AAR2: variants seen among roughly 807,000 people sequenced by gnomAD.
AAR2 encodes the protein AAR2 splicing factor.
A neutral mutation model predicts 26.9 loss-of-function variants in AAR2; 31 were observed. That is an observed-to-expected ratio of 1.15 (90% CI 0.86 to 1.55). The LOEUF (loss-of-function observed/expected upper bound fraction) is 1.55. Among genes scored for constraint, AAR2 ranks in the 40% most tolerant of loss-of-function variants. AAR2 has a pLI of 0.00. For missense variants in AAR2, 430 were observed against 491.3 expected, an observed-to-expected ratio of 0.88 and a Z score of 1.18; for synonymous variants, 188 against 196.1, an observed-to-expected ratio of 0.96 and a Z score of 0.34.
chr20:36,240,838 A>G (rs2064673761), intron 2 of AAR2, among the ~76,000 whole-genome samples: 1 of 152,190 alleles, frequency 6.6e-6, no homozygotes, highest in Admixed American at 6.5e-5. Context: ...CTAATAAACA[A>G]ACATCCTAGG....
At chr20:36,252,041 T>C (rs1297603297) in intron 3 of AAR2, among the ~76,000 whole-genome samples, 1 of 152,074 alleles carries the variant, frequency 6.6e-6, no homozygotes, top group Non-Finnish European at 1.5e-5. Flanking sequence ...TTTTAGAGGG[T>C]GCAAATCACT....
At chr20:36,252,528 C>G (rs569286837) in intron 3 of AAR2, among the ~76,000 whole-genome samples, 1 of 152,172 alleles carries the variant, frequency 6.6e-6, no homozygotes, top group Admixed American at 6.5e-5. Flanking sequence ...AAGAGATCCT[C>G]AAGGAGGTGA....
intron 3 of AAR2, among the ~76,000 whole-genome samples, chr20:36,245,568 A>G (rs2064726381): frequency 6.6e-6 from 1 of 152,204 alleles, no homozygotes; most frequent in Non-Finnish European, 1.5e-5. Flanking sequence ...TCTCAAGAAT[A>G]GAAGAGGCAG....
chr20:36,239,992 G>C lies in AAR2; in HGVS notation c.124G>C (p.Gly42Arg). Residue 42 changes from glycine to arginine, a missense_variant, in exon 2 of 4, where the codon GGG becomes CGG. Gly to Arg is a moderately radical substitution (Grantham distance 125, BLOSUM62 -2). Coordinates refer to ENST00000320849, the MANE Select transcript of AAR2 (RefSeq NM_001271874.2). ...GATTGACTATAACTCCTGGGAGGTCGGGCCCAAGTTCCGGGGCGTGAAGAT... is the reference window on the plus strand; with the variant it reads ...GATTGACTATAACTCCTGGGAGGTCCGGCCCAAGTTCCGGGGCGTGAAGAT... ...FGIDYNSWEV[G>R]PKFRGVKMIP... 2.5e-6 allele frequency: 4 copies of C among 1,614,156 alleles called. No homozygotes were observed. Among genetic ancestry groups the C allele is most frequent in the Non-Finnish European group, 3.4e-6 (4 of 1,180,020 alleles).
intron 3 of AAR2, among the ~76,000 whole-genome samples, chr20:36,255,104 G>A (rs1164353958): frequency 2.0e-5 from 3 of 152,146 alleles, no homozygotes; most frequent in African/African-American, 7.2e-5. Flanking sequence ...AAAAATCAAA[G>A]ACAGCTTTTA....
At chr20:36,250,656 C>T (rs1859762032) in intron 3 of AAR2, among the ~76,000 whole-genome samples, 1 of 152,044 alleles carries the variant, frequency 6.6e-6, no homozygotes, top group Non-Finnish European at 1.5e-5. Context: ...TAAGGGGCCG[C>T]ACAAGGGAGC....
chr20:36,256,904 A>G lies in AAR2; in HGVS notation c.*1159A>G, dbSNP rs2064826556. On this transcript the variant is annotated 3_prime_UTR_variant, in exon 4 of 4. Transcript: ENST00000320849. Reference sequence around the variant, plus strand: ...TTGGAGATGTTTTTCCAAGAGCATAATGTACATTAAAGTCTTCGAGTTGAG... The same window carrying G: ...TTGGAGATGTTTTTCCAAGAGCATAGTGTACATTAAAGTCTTCGAGTTGAG... The G allele has an allele frequency of 6.6e-6, 1 of 152,662 alleles. No individual in the cohort carries two copies. Among genetic ancestry groups the G allele is most frequent in the Non-Finnish European group, 1.5e-5 (1 of 68,044 alleles). The allele number at this position is 152,662 out of a possible 1,614,324, so 9.5% of individuals were successfully genotyped here.
Position 36,256,381 on chromosome 20 carries a change from C to A in AAR2, c.*636C>A. 1 of 152,428 alleles carries A rather than the reference C, an allele frequency of 6.6e-6. No homozygotes were observed. The highest frequency in any genetic ancestry group is 1.5e-5 in the Non-Finnish European group (1 of 68,126). 9.4% of individuals were successfully genotyped at this position (152,428 alleles called of 1,614,324 possible). A position where few individuals can be genotyped will look rare whatever the true frequency, so the allele number is the denominator to read the frequency against. ...AATCCCATTCTCCTGTCCAGAGGCC[C>A]AGTGGGTCATCTCCCAAGGTGGGTG... On this transcript the variant is annotated 3_prime_UTR_variant, in exon 4 of 4. Transcript: ENST00000320849.
chr20:36,244,766 G>C lies in AAR2; in HGVS notation c.827G>C (p.Arg276Pro). Residue 276 changes from arginine to proline, a missense_variant, in exon 3 of 4, where the codon CGG becomes CCG. Transcript: ENST00000320849. ...TACGAGGCATTTGAGCATTGGAAGC[G>C]GCTCCTGAACCTCCTGTGCCGGTCA... ...NVYEAFEHWK[R>P]LLNLLCRSEA... 6.2e-7 allele frequency: 1 copy of C among 1,614,116 alleles called. No individual in the cohort carries two copies.
chr20:36,247,919 CAT>C (rs2064749936), intron 3 of AAR2, among the ~76,000 whole-genome samples: 2 of 152,160 alleles, frequency 1.3e-5, no homozygotes, highest in South Asian at 4.2e-4. Context: ...CACAATTTAA[CAT>C]ATATGCCCTC....
In AAR2 at chr20:36,236,502, C is replaced by A. The variant is rs925214228; in HGVS notation, c.-50C>A. ...CGCTGTACCGGAACGTGGGGCGAGG[C>A]GGTGAGTGTGGCCTCCTGGCCTCTT... On this transcript the variant is annotated splice_region_variant and 5_prime_UTR_variant, in exon 1 of 4. Transcript: ENST00000320849. The A allele has an allele frequency of 7.2e-5, 11 of 152,256 alleles. No individual in the cohort carries two copies. The highest frequency in any genetic ancestry group is 2.4e-4 in the African/African-American group (10 of 41,458). 9.4% of individuals were successfully genotyped at this position (152,256 alleles called of 1,614,324 possible). A position where few individuals can be genotyped will look rare whatever the true frequency, so the allele number is the denominator to read the frequency against.
At chr20:36,242,362 CTTTTGTTGTTGTTGT>C (rs1441906105) in intron 2 of AAR2, among the ~76,000 whole-genome samples, 2 of 138,634 alleles carry the variant, frequency 1.4e-5, no homozygotes, top group African/African-American at 5.7e-5. Context: ...ACAGGTACAT[CTTTTGTTGTTGTTGT>C]TGTTGTTGTT....
At chr20:36,247,303 G>C (rs549224853) in intron 3 of AAR2, among the ~76,000 whole-genome samples, 1 of 152,030 alleles carries the variant, frequency 6.6e-6, no homozygotes, top group Admixed American at 6.6e-5. Flanking sequence ...ACCAGCCTCC[G>C]TGCTTACCAG....
At chr20:36,238,043 C>G (rs2064635046) in intron 1 of AAR2, among the ~76,000 whole-genome samples, 1 of 152,012 alleles carries the variant, frequency 6.6e-6, no homozygotes, top group Non-Finnish European at 1.5e-5. Flanking sequence ...CTCGGCCTCC[C>G]AAAGTGCTGT....
chr20:36,250,324 A>G (rs2064770786), intron 3 of AAR2, among the ~76,000 whole-genome samples: 1 of 152,234 alleles, frequency 6.6e-6, no homozygotes, highest in African/African-American at 2.4e-5. Flanking sequence ...ATATTATCCT[A>G]TTTCAAAAGT....
At chr20:36,247,027 A>G (rs1208153787) in intron 3 of AAR2, among the ~76,000 whole-genome samples, 1 of 152,228 alleles carries the variant, frequency 6.6e-6, no homozygotes, top group African/African-American at 2.4e-5. Flanking sequence ...TCTGCTGTAT[A>G]GAAGACTCTG....
At chr20:36,246,403 T>C (rs190627014) in intron 3 of AAR2, among the ~76,000 whole-genome samples, 4 of 152,334 alleles carry the variant, frequency 2.6e-5, no homozygotes, top group Non-Finnish European at 5.9e-5. Flanking sequence ...AGCGCATGAT[T>C]TGAGCCTGGT....
At chr20:36,238,581 C>A (rs1171082239) in intron 1 of AAR2, among the ~76,000 whole-genome samples, 2 of 151,888 alleles carry the variant, frequency 1.3e-5, no homozygotes, top group Non-Finnish European at 2.9e-5. Flanking sequence ...CATGGTGAGA[C>A]CCTCTCTGTA....
chr20:36,252,981 A>G (rs1396095332), intron 3 of AAR2, among the ~76,000 whole-genome samples: 1 of 151,902 alleles, frequency 6.6e-6, no homozygotes, highest in Non-Finnish European at 1.5e-5. Flanking sequence ...CCTGCTAATT[A>G]GTTATTGATC....
Sources: gnomAD v4.1 joint callset for allele counts (sites outside exome capture counted in the v4.1 genomes callset) on GRCh38, gnomAD v4.1.1 for gene constraint, MANE v1.5 for transcripts, NCBI Gene and HGNC (gene_info 2026-07-23, HGNC 2026-07-21) for gene names.